The following RALGPS1 variants were observed in gnomAD, a reference collection of about 807,000 sequenced individuals.
RALGPS1 encodes Ral GEF with PH domain and SH3 binding motif 1.
Under a neutral mutation model 78.8 loss-of-function variants are expected in RALGPS1, and 19 were observed. The observed-to-expected ratio is 0.24, with a 90% CI of 0.17 to 0.35. The LOEUF (loss-of-function observed/expected upper bound fraction) is 0.35. Among genes scored for constraint, RALGPS1 ranks in the 10% least tolerant of loss-of-function variants. The pLI, the probability that RALGPS1 is intolerant of heterozygous loss-of-function variation, is 1.00. For missense variants in RALGPS1, 454 were observed against 688.3 expected (o/e 0.66, Z 3.81); for synonymous variants, 228 against 256.3 (o/e 0.89, Z 1.06).
intron 3 of RALGPS1, among the ~76,000 whole-genome samples, chr9:126,975,658 CTGTT>C (rs2040537677): frequency 6.6e-6 from 1 of 152,320 alleles, no homozygotes; most frequent in South Asian, 2.1e-4. Flanking sequence ...AAATGCCAGT[CTGTT>C]TGCACTGCTC....
chr9:126,920,620 T>C (rs2034652832), intron 1 of RALGPS1, among the ~76,000 whole-genome samples: 1 of 152,202 alleles, frequency 6.6e-6, no homozygotes, highest in Non-Finnish European at 1.5e-5. Context: ...GATTGGCTTC[T>C]GTGAGGAGTG....
intron 4 of RALGPS1, among the ~76,000 whole-genome samples, chr9:127,004,232 G>A (rs1311743076): frequency 1.3e-5 from 2 of 151,908 alleles, no homozygotes; most frequent in Non-Finnish European, 2.9e-5. Flanking sequence ...TGCAGCCTTT[G>A]CCTCTCAGAT....
chr9:127,168,644 G>A, intron 9 of RALGPS1, 35 bp from the exon 10 acceptor site: 1 of 1,464,360 alleles, frequency 6.8e-7, no homozygotes, highest in Middle Eastern at 1.7e-4. Flanking sequence ...AGATGGGAGA[G>A]CCTAAAGTTT....
At chr9:127,020,712 G>A (rs1448570824) in intron 4 of RALGPS1, among the ~76,000 whole-genome samples, 1 of 152,228 alleles carries the variant, frequency 6.6e-6, no homozygotes, top group Non-Finnish European at 1.5e-5. Context: ...GTGTGTGCAT[G>A]TGTGTGCCCC....
intron 8 of RALGPS1, among the ~76,000 whole-genome samples, chr9:127,104,456 TGGGGCAGA>T (rs2054028706): frequency 6.6e-6 from 1 of 152,162 alleles, no homozygotes; most frequent in African/African-American, 2.4e-5. Flanking sequence ...GCAGGATAGG[TGGGGCAGA>T]GGACCACAGA....
Position 127,212,521 on chromosome 9 carries a change from T to C in RALGPS1, c.1354-106T>C, listed in dbSNP as rs1042867278. 1 of 792,820 alleles carries C rather than the reference T, an allele frequency of 1.3e-6. No individual in the cohort carries two copies. The highest frequency in any genetic ancestry group is 2.7e-5 in the East Asian group (1 of 37,496). The allele number at this position is 792,820 out of a possible 1,614,324, so 49.1% of individuals were successfully genotyped here. A position where few individuals can be genotyped will look rare whatever the true frequency, so the allele number is the denominator to read the frequency against. Reference sequence around the variant, plus strand: ...GGGTGGTGGAGGGCCAGGGAAGAGATGGGGCCTGCACTGGCATTGATGGGA... The same window carrying C: ...GGGTGGTGGAGGGCCAGGGAAGAGACGGGGCCTGCACTGGCATTGATGGGA... On this transcript the variant is annotated intron_variant, in intron 15 of 18. Transcript: ENST00000259351. The surrounding 1 kb of genome is among the most constrained non-coding windows in gnomAD (Gnocchi z 6.0).
At chr9:127,070,606 T>G (rs1028935194) in intron 8 of RALGPS1, among the ~76,000 whole-genome samples, 1 of 152,182 alleles carries the variant, frequency 6.6e-6, no homozygotes, top group Non-Finnish European at 1.5e-5. Flanking sequence ...TCCTTTTTCT[T>G]TCTTTCTTTT....
chr9:127,178,726 T>C (rs1225785245), intron 11 of RALGPS1, among the ~76,000 whole-genome samples: 4 of 152,344 alleles, frequency 2.6e-5, no homozygotes, highest in African/African-American at 9.6e-5. Flanking sequence ...CGCCTGTGGC[T>C]GTTTTCATGC....
intron 1 of RALGPS1, among the ~76,000 whole-genome samples, chr9:126,940,871 G>T (rs888338987): frequency 6.6e-6 from 1 of 152,168 alleles, no homozygotes. Context: ...CCTTGTCTGT[G>T]TAAGTTCATT....
rs1270397991 is a variant in RALGPS1, at chr9:127,205,505, ACT to A, written c.1247+6442_1247+6443del. 6.6e-6 allele frequency among the ~76,000 whole-genome samples: 1 copy of A among 151,722 alleles called. No individual in the cohort carries two copies. The highest frequency in any genetic ancestry group is 1.5e-5 in the Non-Finnish European group (1 of 67,864). ...TCTAGGTGCCAGGGCTTTTTGCTTG[ACT>A]CTGTTTTCGAGCCCTGCCAGGCAGC... On this transcript the variant is annotated intron_variant, in intron 14 of 18. Transcript: ENST00000259351. The surrounding 1 kb of genome is among the most constrained non-coding windows in gnomAD (Gnocchi z 4.0).
intron 4 of RALGPS1, among the ~76,000 whole-genome samples, chr9:127,021,267 C>T (rs200853940): frequency 2.6e-5 from 4 of 151,964 alleles, no homozygotes; most frequent in East Asian, 1.9e-4. Context: ...TTTGCGAGGC[C>T]GAGGCAGGTG....
chr9:127,034,539 C>A, intron 5 of RALGPS1, 25 bp downstream of exon 5: 1 of 1,598,562 alleles, frequency 6.3e-7, no homozygotes, highest in Non-Finnish European at 8.6e-7. Flanking sequence ...TTGCATGTGC[C>A]TATCCAGAGA....
rs565285504 is a variant in RALGPS1 at position 127,112,343 on chromosome 9, C to T, written c.610+42987C>T. On this transcript the variant is annotated intron_variant, in intron 8 of 18. Transcript: ENST00000259351. Reference sequence around the variant, plus strand: ...CAGAACAATGGGGAGGAGCCGCCCCCGACCCTGGGCTAGGGCAGGCCTGCT... The same window carrying T: ...CAGAACAATGGGGAGGAGCCGCCCCTGACCCTGGGCTAGGGCAGGCCTGCT... 4.6e-5 allele frequency among the ~76,000 whole-genome samples: 7 copies of T among 152,328 alleles called. No homozygotes were observed. In the East Asian group the frequency reaches 7.7e-4, roughly 17 times the overall value.
chr9:127,124,712 G>A (rs1203874469), intron 8 of RALGPS1, among the ~76,000 whole-genome samples: 1 of 152,184 alleles, frequency 6.6e-6, no homozygotes, highest in Non-Finnish European at 1.5e-5. Flanking sequence ...TTGTTAGAGA[G>A]GTGGAACTTT....
rs184519258 is a variant in RALGPS1, at chr9:126,951,025, G to T, written c.-65-11200G>T. Among the ~76,000 whole-genome samples the T allele has an allele frequency of 3.9e-5, 6 of 152,296 alleles. No homozygotes were observed. In the East Asian group the frequency reaches 1.2e-3, roughly 29 times the overall value. ...CACAGAAATACAAGCTACCATCAGA[G>T]AATACAACAAACACCTCTATGCAAA... is the stretch of plus-strand genomic sequence containing the variant. On this transcript the variant is annotated intron_variant, in intron 1 of 18. Coordinates refer to ENST00000259351, the MANE Select transcript of RALGPS1 (RefSeq NM_014636.3).
intron 4 of RALGPS1, among the ~76,000 whole-genome samples, chr9:127,026,750 G>A (rs543964988): frequency 2.0e-5 from 3 of 152,280 alleles, no homozygotes; most frequent in South Asian, 4.1e-4. Flanking sequence ...TCTCCTGAGG[G>A]GAGTCTGCCT....
At chr9:127,046,158 A>G (rs1302395451) in intron 5 of RALGPS1, among the ~76,000 whole-genome samples, 1 of 152,242 alleles carries the variant, frequency 6.6e-6, no homozygotes, top group African/African-American at 2.4e-5. Context: ...GTATAAAATA[A>G]ATATCCACAA....
At position 127,168,727 on chromosome 9, in the gene RALGPS1, G is replaced by A. The variant is rs757917831; in HGVS notation, c.797G>A (p.Arg266His). 59 of 1,613,798 alleles carry A rather than the reference G, an allele frequency of 3.7e-5. No individual in the cohort carries two copies. The highest frequency in any genetic ancestry group is 4.5e-5 in the Non-Finnish European group (53 of 1,179,804). Residue 266 changes from arginine (R) to histidine (H), a missense_variant, in exon 10 of 19, where the codon CGC (arginine) becomes CAC (histidine). By Grantham distance (29) the Arg-to-His change is conservative. Transcript: ENST00000259351. Reference sequence around the variant, plus strand: ...GTGCAGAAGTACCTGAAGTCCGTACGCTACATTGAAGAGCTCCAGAAGTTT... The same window carrying A: ...GTGCAGAAGTACCTGAAGTCCGTACACTACATTGAAGAGCTCCAGAAGTTT... ...PHVQKYLKSV[R>H]YIEELQKFVE...
chr9:127,089,621 CAAAG>C (rs2052210990), intron 8 of RALGPS1, among the ~76,000 whole-genome samples: 1 of 152,134 alleles, frequency 6.6e-6, no homozygotes, highest in Non-Finnish European at 1.5e-5. Flanking sequence ...TAAAGAATGA[CAAAG>C]AAAGTGTTTA....
Sources: allele counts gnomAD v4.1 joint callset (sites outside exome capture counted in the v4.1 genomes callset), GRCh38; gene constraint gnomAD v4.1.1; non-coding constraint Gnocchi (gnomAD v3.1); transcripts MANE v1.5; gene names NCBI Gene and HGNC (gene_info 2026-07-23, HGNC 2026-07-21).